Variants in BMS1 observed in about 807,000 individuals in gnomAD.
The protein encoded by BMS1 is ribosome biogenesis protein BMS1 homolog.
Under a neutral mutation model 138.7 loss-of-function variants are expected in BMS1, and 53 were observed. The observed-to-expected ratio is 0.38, with a 90% CI of 0.31 to 0.48. The LOEUF is 0.48. Among genes scored for constraint, BMS1 ranks in the 20% least tolerant of loss-of-function variants. BMS1 has a pLI of 0.97. For missense variants in BMS1, 1,360 were observed against 1,565.5 expected (o/e 0.87, Z 2.22); for synonymous variants, 504 against 539.9 (o/e 0.93, Z 0.92).
intron 13 of BMS1, among the ~76,000 whole-genome samples, chr10:42,804,310 C>T (rs935051408): frequency 1.3e-5 from 2 of 152,102 alleles, no homozygotes; most frequent in African/African-American, 4.8e-5. Flanking sequence ...AGAAATTACC[C>T]AACTGTTTTC....
At chr10:42,798,716 TG>T in intron 12 of BMS1, 91 bp downstream of exon 12, 1 of 1,523,608 alleles carries the variant, frequency 6.6e-7, no homozygotes, top group Non-Finnish European at 8.9e-7. Flanking sequence ...TACCTGTTGT[TG>T]GCTTCTTATT....
intron 15 of BMS1, among the ~76,000 whole-genome samples, chr10:42,819,720 G>C (rs1842447282): frequency 1.3e-5 from 2 of 152,214 alleles, no homozygotes. Context: ...CTGTCCCTTG[G>C]AGCAGGAGAG....
At chr10:42,805,098 T>A (rs1841976133) in intron 13 of BMS1, among the ~76,000 whole-genome samples, 1 of 152,218 alleles carries the variant, frequency 6.6e-6, no homozygotes, top group African/African-American at 2.4e-5. Flanking sequence ...AATTGTCTCA[T>A]ATATTCTGTA....
In BMS1 at chr10:42,793,079, G is replaced by A; in HGVS notation, c.1024G>A (p.Val342Ile). The stretch of plus-strand genomic sequence containing the variant: ...GCTGGTTTATGCGCCTCTTTCTGGA[G>A]TTGGGGGTGTGCTGTATGACAAAGA... The part of the protein sequence containing the change: ...EKLVYAPLSG[V>I]GGVLYDKDAV... The change falls in exon 8 of 23, where the codon GTT (valine) becomes ATT (isoleucine). Residue 342 changes from valine to isoleucine, a missense_variant. Coordinates refer to ENST00000374518, the MANE Select transcript of BMS1 (RefSeq NM_014753.4). The A allele has an allele frequency of 6.2e-7, 1 of 1,614,058 alleles. No homozygotes were observed. Among genetic ancestry groups the A allele is most frequent in the Non-Finnish European group, 8.5e-7 (1 of 1,179,986 alleles).
chr10:42,823,900 C>A (rs577830146), intron 21 of BMS1, 116 bp downstream of exon 21: 2 of 946,728 alleles, frequency 2.1e-6, no homozygotes, highest in Non-Finnish European at 2.8e-6. Flanking sequence ...TAAAGTCTAA[C>A]GTTAAATTTG....
chr10:42,801,856 A>G (rs1198047147), intron 12 of BMS1, among the ~76,000 whole-genome samples: 2 of 152,182 alleles, frequency 1.3e-5, no homozygotes, highest in Non-Finnish European at 2.9e-5. Flanking sequence ...ACCTTAATAA[A>G]ATTGAAAATC....
Position 42,820,676 on chromosome 10 carries a change from G to A in BMS1, c.2938G>A (p.Ala980Thr). The change falls in exon 17 of 23, where the codon GCA becomes ACA. Residue 980 changes from alanine (A) to threonine (T), a missense_variant. By Grantham distance (58) the Ala-to-Thr change is moderately conservative (BLOSUM62 0). Transcript: ENST00000374518. ...TACCCCACAGCACATGCATTGCGGA[G>A]CAGCCTTTTGGGGTAAAATATGATT... ...KYTPQHMHCG[A>T]AFWGPITPQG... is the part of the protein sequence containing the mutation. 2 of 1,611,826 alleles carry A rather than the reference G, an allele frequency of 1.2e-6. No homozygotes were observed. The highest frequency in any genetic ancestry group is 1.7e-6 in the Non-Finnish European group (2 of 1,179,742).
intron 5 of BMS1, 101 bp downstream of exon 5, chr10:42,790,612 G>T: frequency 7.8e-7 from 1 of 1,280,094 alleles, no homozygotes. Context: ...CCAGCACTTT[G>T]CAAGGCAGAG....
At chr10:42,799,750 G>C (rs1295352182) in intron 12 of BMS1, among the ~76,000 whole-genome samples, 6 of 152,188 alleles carry the variant, frequency 3.9e-5, no homozygotes. Context: ...GTAGAAGGAG[G>C]TGTAGTCCAG....
intron 13 of BMS1, among the ~76,000 whole-genome samples, chr10:42,816,258 C>T (rs1842344435): frequency 6.6e-6 from 1 of 152,056 alleles, no homozygotes; most frequent in African/African-American, 2.4e-5. Context: ...GAGATCATGC[C>T]ACTGCACTCC....
chr10:42,815,318 TG>T (rs745664115), intron 13 of BMS1, among the ~76,000 whole-genome samples: 56 of 152,300 alleles, frequency 3.7e-4, no homozygotes, highest in Non-Finnish European at 6.9e-4. Flanking sequence ...CGATGAGTGT[TG>T]GTGGTGATGC....
At chr10:42,797,329 T>G in intron 10 of BMS1, 93 bp from the exon 11 acceptor site, 1 of 1,576,838 alleles carries the variant, frequency 6.3e-7, no homozygotes, top group South Asian at 1.1e-5. Flanking sequence ...TCTGTGATTT[T>G]GTTAACTGTT....
intron 5 of BMS1, among the ~76,000 whole-genome samples, chr10:42,791,339 A>G (rs1219266838): frequency 2.6e-5 from 4 of 152,006 alleles, no homozygotes; most frequent in East Asian, 1.9e-4. Context: ...CTTCCTTTCT[A>G]TACTGCTCTG....
At chr10:42,828,391 T>G (rs1842714459) in intron 21 of BMS1, among the ~76,000 whole-genome samples, 1 of 152,220 alleles carries the variant, frequency 6.6e-6, no homozygotes, top group Non-Finnish European at 1.5e-5. Flanking sequence ...CCACGGCCCT[T>G]AACACTAAGG....
chr10:42,832,678 G>T lies in BMS1; in HGVS notation c.*1582G>T. On this transcript the variant is annotated 3_prime_UTR_variant, in exon 23 of 23. Coordinates refer to ENST00000374518, the MANE Select transcript of BMS1 (RefSeq NM_014753.4). ...GGTGCTCAGCTTTGTATCTCCATAA[G>T]AAGGGAAGAGGATGTGAGGATCCTG... The T allele has an allele frequency of 6.6e-6, 1 of 152,220 alleles. No individual in the cohort carries two copies. Among genetic ancestry groups the T allele is most frequent in the Non-Finnish European group, 1.5e-5 (1 of 68,042 alleles). The allele number at this position is 152,220 out of a possible 1,614,324, so 9.4% of individuals were successfully genotyped here.
intron 9 of BMS1, among the ~76,000 whole-genome samples, chr10:42,794,840 G>A (rs1423406929): frequency 1.3e-5 from 2 of 151,112 alleles, no homozygotes; most frequent in Non-Finnish European, 2.9e-5. Context: ...GTATACATGT[G>A]CCATGCTGGT....
intron 5 of BMS1, among the ~76,000 whole-genome samples, chr10:42,791,292 C>T (rs894364538): frequency 6.6e-6 from 1 of 152,166 alleles, no homozygotes; most frequent in African/African-American, 2.4e-5. Context: ...TAGAGTACCT[C>T]GGAAGTTTCT....
chr10:42,833,145 T>G lies in BMS1; in HGVS notation c.*2049T>G, dbSNP rs1457504698. 1.3e-5 allele frequency: 2 copies of G among 152,236 alleles called. No individual in the cohort carries two copies. Among genetic ancestry groups the G allele is most frequent in the African/African-American group, 4.8e-5 (2 of 41,462 alleles). The allele number at this position is 152,236 out of a possible 1,614,324, so 9.4% of individuals were successfully genotyped here. On this transcript the variant is annotated 3_prime_UTR_variant, in exon 23 of 23. Coordinates refer to ENST00000374518, the MANE Select transcript of BMS1 (RefSeq NM_014753.4). The stretch of plus-strand genomic sequence containing the variant: ...TTAATTACAGTTGCAGATAATTGCC[T>G]TTTCCAAAGACAATGTATGTAGGCA...
chr10:42,797,502 C>T lies in BMS1; in HGVS notation c.2068C>T (p.Arg690Ter), dbSNP rs764065209. ...LRQQQAAPNL[R>*]KLIYGTVTED... is the part of the protein sequence containing the mutation. ...GCAGCAGCAAGCAGCTCCAAACCTC[C>T]GAAAGCTTATTTATGGGACAGGTAA... Residue 690 changes from arginine (R) to a stop codon, truncating the protein, a stop_gained, in exon 11 of 23, where the codon CGA becomes TGA. Transcript: ENST00000374518. LOFTEE classifies it high-confidence loss of function. 4.3e-6 allele frequency: 7 copies of T among 1,614,098 alleles called. No individual in the cohort carries two copies. The highest frequency in any genetic ancestry group is 2.2e-5 in the East Asian group (1 of 44,878).
Sources: allele counts gnomAD v4.1 joint callset (sites outside exome capture counted in the v4.1 genomes callset), GRCh38; gene constraint gnomAD v4.1.1; transcripts MANE v1.5; gene names NCBI Gene and HGNC (gene_info 2026-07-23, HGNC 2026-07-21).